Variants in FRMPD3 observed in about 807,000 individuals in gnomAD.
FRMPD3 encodes FERM and PDZ domain containing 3, also known as FERM and PDZ domain-containing protein 3.
FRMPD3 carries 42 observed loss-of-function variants against 97.9 expected under a neutral mutation model. The observed-to-expected ratio is 0.43, with a 90% CI of 0.34 to 0.55. FRMPD3 has a LOEUF of 0.55. Among genes scored for constraint, FRMPD3 ranks in the 20% least tolerant of loss-of-function variants. FRMPD3 has a pLI of 0.03. For missense variants in FRMPD3, 1,303 were observed against 1,457.7 expected (o/e 0.89, Z 1.73); for synonymous variants, 577 against 581.1 (o/e 0.99, Z 0.10).
At chrX:107,523,331 G>A (rs966629173) in intron 1 of FRMPD3, among the ~76,000 whole-genome samples, 3 of 111,893 alleles carry the variant, frequency 2.7e-5, no homozygotes, top group African/African-American at 9.8e-5. Flanking sequence ...AGCTCAGTTA[G>A]GGACAACCCA....
chrX:107,502,487 C>T (rs1921935922), intron 1 of FRMPD3, among the ~76,000 whole-genome samples: 1 of 111,143 alleles, frequency 9.0e-6, no homozygotes, highest in Non-Finnish European at 1.9e-5. Context: ...ATCCAGGACA[C>T]AGGGCTGAGG....
At position 107,602,488 on chromosome X, in the gene FRMPD3, C is replaced by T. The variant is rs368141801; in HGVS notation, c.4449C>T (p.Asp1483=). ...TGTACCGGAAGCCTGCCGAGCTAGA[C>T]GAGGACAGTGAGAGCAGCAAGTGCT... The part of the protein sequence containing the change: ...EEVYRKPAEL[D]EDSESSKCCS... Residue 1483 remains aspartate, a synonymous_variant, in exon 15 of 15, where the codon GAC becomes GAT. Transcript: ENST00000683843. 74 of 1,210,382 alleles carry T rather than the reference C, an allele frequency of 6.1e-5. No individual in the cohort carries two copies. The highest frequency in any genetic ancestry group is 2.8e-4 in the African/African-American group (16 of 57,646).
chrX:107,576,481 T>A (rs1261380235), intron 13 of FRMPD3, 22 bp downstream of exon 13: 1 of 1,203,498 alleles, frequency 8.3e-7, no homozygotes, highest in African/African-American at 1.8e-5. Context: ...CCTCGGTTGG[T>A]TTTTGCTGTG....
chrX:107,596,806 G>A lies in FRMPD3; in HGVS notation c.1442-515G>A, dbSNP rs145981902. 2.7e-3 allele frequency among the ~76,000 whole-genome samples: 305 copies of A among 112,029 alleles called. 1 individual carries two copies. Among genetic ancestry groups the A allele is most frequent in the African/African-American group, 9.1e-3 (280 of 30,880 alleles). On this transcript the variant is annotated intron_variant, in intron 13 of 14. Transcript: ENST00000683843. ...TGCAAACTCTTCGGCATTATATGTAGCCTGTTTAACAGGTTCTGACTAAAG... is the reference window on the plus strand; with the variant it reads ...TGCAAACTCTTCGGCATTATATGTAACCTGTTTAACAGGTTCTGACTAAAG...
At chrX:107,487,270 A>T (rs1166223826) in intron 1 of FRMPD3, among the ~76,000 whole-genome samples, 1 of 111,158 alleles carries the variant, frequency 9.0e-6, no homozygotes, top group Non-Finnish European at 1.9e-5. Context: ...ATTTTTAAAA[A>T]ATGAAAAAAT....
Position 107,509,388 on chromosome X carries a change from C to T in FRMPD3, c.-7-17194C>T, listed in dbSNP as rs377211558. 1.6e-4 allele frequency among the ~76,000 whole-genome samples: 18 copies of T among 111,015 alleles called. No homozygotes were observed. The East Asian group carries it at 2.8e-3, about 17-fold the overall frequency. ...TTCCATGTGTAGCTTTGGGGTGGTG[C>T]GTTAGATATGTGGCTGGCAAGTCCA... On this transcript the variant is annotated intron_variant, in intron 1 of 14. Coordinates refer to ENST00000683843, the MANE Select transcript of FRMPD3 (RefSeq NM_001388459.1).
chrX:107,597,049 C>T (rs141587451), intron 13 of FRMPD3, among the ~76,000 whole-genome samples: 1,339 of 111,396 alleles, frequency 0.012, 26 homozygotes, highest in Admixed American at 0.071. Context: ...GTGTTCACCC[C>T]GACCCCTACC....
intron 2 of FRMPD3, 143 bp downstream of exon 2, chrX:107,526,879 A>C: frequency 1.6e-6 from 1 of 606,948 alleles, no homozygotes; most frequent in Non-Finnish European, 2.4e-6. Flanking sequence ...GCCAACCAAT[A>C]ACTGTGTGAG....
chrX:107,465,014 A>C (rs1022642206), intron 1 of FRMPD3, among the ~76,000 whole-genome samples: 3 of 112,025 alleles, frequency 2.7e-5, no homozygotes, highest in African/African-American at 9.7e-5. Flanking sequence ...CAGAGAGAGG[A>C]CCAGTGCTCC....
chrX:107,493,888 C>T (rs1274574109), intron 1 of FRMPD3, among the ~76,000 whole-genome samples: 1 of 111,488 alleles, frequency 9.0e-6, no homozygotes, highest in African/African-American at 3.3e-5. Context: ...AGGATGCATC[C>T]ATTCTGTACA....
At chrX:107,587,793 T>A (rs1923725440) in intron 13 of FRMPD3, among the ~76,000 whole-genome samples, 1 of 112,026 alleles carries the variant, frequency 8.9e-6, no homozygotes, top group Non-Finnish European at 1.9e-5. Context: ...TATTTTTTTT[T>A]AGACAGGGTC....
At chrX:107,550,026 G>A (rs746685538) in intron 5 of FRMPD3, 23 bp from the exon 6 acceptor site, 1 of 1,043,893 alleles carries the variant, frequency 9.6e-7, no homozygotes, top group South Asian at 1.9e-5. Context: ...CGGTCTCCTT[G>A]TCCTTTCCCT....
chrX:107,593,114 T>C (rs1181553251), intron 13 of FRMPD3, among the ~76,000 whole-genome samples: 2 of 111,878 alleles, frequency 1.8e-5, no homozygotes, highest in African/African-American at 6.5e-5. Flanking sequence ...TGATATTGCA[T>C]TGTAATTTTG....
intron 14 of FRMPD3, among the ~76,000 whole-genome samples, chrX:107,598,845 A>T (rs1924340057): frequency 8.9e-6 from 1 of 112,654 alleles, no homozygotes; most frequent in Non-Finnish European, 1.9e-5. Context: ...ACTAAGTATT[A>T]GTTCACAGGA....
intron 1 of FRMPD3, among the ~76,000 whole-genome samples, chrX:107,486,741 T>C (rs1462995223): frequency 8.9e-6 from 1 of 112,267 alleles, no homozygotes; most frequent in Non-Finnish European, 1.9e-5. Flanking sequence ...AGTGCAACTT[T>C]GTAGTAAGTT....
chrX:107,488,436 G>A (rs186242122), intron 1 of FRMPD3, among the ~76,000 whole-genome samples: 136 of 112,583 alleles, frequency 1.2e-3, no homozygotes, highest in African/African-American at 3.9e-3. Flanking sequence ...ATCCACTTGA[G>A]GGAGTCTTTG....
intron 4 of FRMPD3, among the ~76,000 whole-genome samples, chrX:107,536,609 C>T (rs920076641): frequency 2.7e-5 from 3 of 111,545 alleles, no homozygotes; most frequent in African/African-American, 9.8e-5. Context: ...TGAACTACTA[C>T]AAATAAAGCT....
At chrX:107,496,874 T>C (rs1396496034) in intron 1 of FRMPD3, among the ~76,000 whole-genome samples, 2 of 112,434 alleles carry the variant, frequency 1.8e-5, no homozygotes, top group African/African-American at 6.5e-5. Flanking sequence ...TGGGCAAGAA[T>C]GATCTCCTCT....
chrX:107,578,840 C>T (rs903230208), intron 13 of FRMPD3, among the ~76,000 whole-genome samples: 1 of 111,063 alleles, frequency 9.0e-6, no homozygotes, highest in Admixed American at 9.6e-5. Context: ...CCTCACAGCT[C>T]TACCTGGGTT....
Sources: allele counts gnomAD v4.1 joint callset (sites outside exome capture counted in the v4.1 genomes callset), GRCh38; gene constraint gnomAD v4.1.1; transcripts MANE v1.5; gene names NCBI Gene and HGNC (gene_info 2026-07-23, HGNC 2026-07-21).